Variants in ENOX1 observed in about 807,000 individuals in gnomAD.
ENOX1 encodes candidate growth-related and time keeping constitutive hydroquinone (NADH) oxidase.
In ENOX1, 42 loss-of-function variants were observed where a neutral mutation model predicts 82.5. The observed-to-expected ratio is 0.51, with a 90% CI of 0.40 to 0.66. The LOEUF is 0.66. ENOX1 is among the 30% of genes least tolerant of loss of function. The pLI, the probability that ENOX1 is intolerant of heterozygous loss-of-function variation, is 0.00. For missense variants in ENOX1, 608 were observed against 811.6 expected, an observed-to-expected ratio of 0.75 and a Z score of 3.05; for synonymous variants, 271 against 282.2, an observed-to-expected ratio of 0.96 and a Z score of 0.40.
chr13:43,271,097 C>T (rs767457547), intron 12 of ENOX1, among the ~76,000 whole-genome samples: 5 of 152,064 alleles, frequency 3.3e-5, no homozygotes, highest in Non-Finnish European at 5.9e-5. Context: ...CTTCATGAGA[C>T]GATTTCAAAT....
Position 43,773,524 on chromosome 13 carries a change from C to T in ENOX1, c.-285+13128G>A, listed in dbSNP as rs143546460. Among the ~76,000 whole-genome samples the T allele has an allele frequency of 5.1e-4, 77 of 152,292 alleles. No homozygotes were observed. In the East Asian group the frequency reaches 0.012, roughly 24 times the overall value. Reference sequence around the variant, plus strand: ...TGTTCACCCTTTCTCTCTATACTCTCCAGCCACACTGGCCTCCTTCTGGTT... The same window carrying T: ...TGTTCACCCTTTCTCTCTATACTCTTCAGCCACACTGGCCTCCTTCTGGTT... On this transcript the variant is annotated intron_variant, in intron 1 of 16. Coordinates refer to ENST00000690772, the MANE Select transcript of ENOX1 (RefSeq NM_001347969.2).
At chr13:43,560,289 T>G (rs962931086) in intron 2 of ENOX1, among the ~76,000 whole-genome samples, 3 of 152,134 alleles carry the variant, frequency 2.0e-5, no homozygotes, top group African/African-American at 7.2e-5. Context: ...TTTTAACAAT[T>G]AAAAAATACG....
At chr13:43,370,585 A>C (rs912462457) in intron 5 of ENOX1, among the ~76,000 whole-genome samples, 3 of 151,976 alleles carry the variant, frequency 2.0e-5, no homozygotes, top group Non-Finnish European at 4.4e-5. Flanking sequence ...GTCTGAATGT[A>C]CTCCACAGCA....
At chr13:43,550,974 G>A (rs2079171010) in intron 2 of ENOX1, among the ~76,000 whole-genome samples, 1 of 152,136 alleles carries the variant, frequency 6.6e-6, no homozygotes, top group South Asian at 2.1e-4. Flanking sequence ...TATTTAGAGA[G>A]CAAAACCCTG....
chr13:43,251,678 AG>A (rs912850919), intron 14 of ENOX1, among the ~76,000 whole-genome samples: 4 of 152,200 alleles, frequency 2.6e-5, no homozygotes, highest in Admixed American at 6.5e-5. Flanking sequence ...GCAGACAAAA[AG>A]GGCGATAAGA....
At position 43,663,716 on chromosome 13, in the gene ENOX1, G is replaced by T. The variant is rs186153404; in HGVS notation, c.-219+3763C>A. ...ACGAATGAACAAACAAAACAGAGTG[G>T]TCATATGAACAAGCAAGAAAAAGGT... On this transcript the variant is annotated intron_variant, in intron 2 of 16. Transcript: ENST00000690772. Among the ~76,000 whole-genome samples the T allele has an allele frequency of 2.5e-3, 381 of 152,200 alleles. 2 individuals carry two copies. The Middle Eastern group carries it at 0.034, about 14-fold the overall frequency.
At chr13:43,645,898 T>C (rs766780324) in intron 2 of ENOX1, among the ~76,000 whole-genome samples, 74 of 152,234 alleles carry the variant, frequency 4.9e-4, no homozygotes, top group Non-Finnish European at 1.5e-4. Flanking sequence ...TATTCAAGGA[T>C]GTCTGTAAAG....
At chr13:43,675,224 G>A (rs1296192112) in intron 1 of ENOX1, among the ~76,000 whole-genome samples, 50 of 152,216 alleles carry the variant, frequency 3.3e-4, no homozygotes, top group Non-Finnish European at 4.4e-5. Flanking sequence ...CAGAGCAGCA[G>A]AAGTAGATGG....
intron 2 of ENOX1, among the ~76,000 whole-genome samples, chr13:43,536,512 TA>T (rs1168794199): frequency 6.6e-6 from 1 of 151,716 alleles, no homozygotes; most frequent in East Asian, 1.9e-4. Flanking sequence ...GGACACAAGA[TA>T]ATTACTTTTT....
At chr13:43,467,230 A>T (rs2057767092) in intron 3 of ENOX1, among the ~76,000 whole-genome samples, 1 of 152,172 alleles carries the variant, frequency 6.6e-6, no homozygotes, top group African/African-American at 2.4e-5. Flanking sequence ...ATCCCATCAA[A>T]ATGCATGAAG....
chr13:43,475,954 T>C (rs2058264995), intron 3 of ENOX1, among the ~76,000 whole-genome samples: 1 of 152,114 alleles, frequency 6.6e-6, no homozygotes, highest in South Asian at 2.1e-4. Flanking sequence ...ACACAGACCT[T>C]AATTTTAATA....
At chr13:43,288,664 T>C (rs2045836456) in intron 12 of ENOX1, among the ~76,000 whole-genome samples, 1 of 152,210 alleles carries the variant, frequency 6.6e-6, no homozygotes, top group South Asian at 2.1e-4. Context: ...GATATCATTC[T>C]TCCTGAATGA....
intron 15 of ENOX1, 108 bp downstream of exon 15, chr13:43,236,528 T>C: frequency 1.6e-6 from 1 of 633,734 alleles, no homozygotes; most frequent in Non-Finnish European, 2.6e-6. Context: ...ATCTCACCTT[T>C]TACCAGAAGG....
intron 2 of ENOX1, among the ~76,000 whole-genome samples, chr13:43,530,979 G>T (rs1254806701): frequency 1.3e-5 from 2 of 151,504 alleles, no homozygotes; most frequent in Non-Finnish European, 2.9e-5. Context: ...AAACAATCTG[G>T]GGAAGTCCTT....
intron 13 of ENOX1, among the ~76,000 whole-genome samples, chr13:43,266,279 G>A (rs1221375200): frequency 1.3e-5 from 2 of 152,100 alleles, no homozygotes; most frequent in Admixed American, 1.3e-4. Context: ...CTAATACAAA[G>A]TATTCATGGT....
At chr13:43,784,603 C>A (rs1411635452) in intron 1 of ENOX1, among the ~76,000 whole-genome samples, 1 of 152,164 alleles carries the variant, frequency 6.6e-6, no homozygotes, top group African/African-American at 2.4e-5. Flanking sequence ...AAATTTTATT[C>A]ATCTTAAAAA....
chr13:43,302,567 A>G (rs143713729), intron 11 of ENOX1, among the ~76,000 whole-genome samples: 1 of 152,342 alleles, frequency 6.6e-6, no homozygotes, highest in African/African-American at 2.4e-5. Flanking sequence ...GCACTAGACT[A>G]AAAAATGACC....
At chr13:43,382,377 A>T (rs917889580) in intron 5 of ENOX1, among the ~76,000 whole-genome samples, 4 of 152,166 alleles carry the variant, frequency 2.6e-5, no homozygotes, top group Non-Finnish European at 5.9e-5. Flanking sequence ...TTAAAACTAC[A>T]CATATGATCA....
At chr13:43,719,297 T>G (rs1831257) in intron 1 of ENOX1, among the ~76,000 whole-genome samples, 57,318 of 115,420 alleles carry the variant, frequency 0.5, 13,945 homozygotes, top group Non-Finnish European at 0.63. Context: ...ATATATTCAT[T>G]CAAATACACA....
Sources: gnomAD v4.1 joint callset for allele counts (sites outside exome capture counted in the v4.1 genomes callset) on GRCh38, gnomAD v4.1.1 for gene constraint, MANE v1.5 for transcripts, NCBI Gene and HGNC (gene_info 2026-07-23, HGNC 2026-07-21) for gene names.